TBCK: variants seen among roughly 807,000 people sequenced by gnomAD.
TBCK encodes the protein TBC1 domain containing kinase.
TBCK carries 99 observed loss-of-function variants against 113.4 expected under a neutral mutation model. The ratio of observed to expected loss-of-function variants is 0.87; its 90% CI spans 0.74 to 1.03. The LOEUF (loss-of-function observed/expected upper bound fraction) is 1.03. Ranked by LOEUF, TBCK falls within the 50% of genes least tolerant of loss-of-function variation. The probability of loss-of-function intolerance (pLI) is 0.00; values close to 1 mark genes in which losing one functional copy is unlikely to be tolerated. For missense variants in TBCK, 1,045 were observed against 1,061.3 expected (o/e 0.98, Z 0.21); for synonymous variants, 369 against 370.8 (o/e 1.00, Z 0.05).
intron 12 of TBCK, 145 bp downstream of exon 12, chr4:106,242,325 T>A: frequency 2.2e-6 from 1 of 452,308 alleles, no homozygotes; most frequent in Non-Finnish European, 3.8e-6. Context: ...GTTGTACAGA[T>A]GCAATTCTAC....
chr4:106,064,912 T>C (rs978419714), intron 25 of TBCK, among the ~76,000 whole-genome samples: 3 of 151,934 alleles, frequency 2.0e-5, no homozygotes, highest in Non-Finnish European at 2.9e-5. Context: ...TTAAGCATGC[T>C]ATGGTACCAA....
At chr4:106,292,120 G>T (rs1254491273) in intron 3 of TBCK, among the ~76,000 whole-genome samples, 1 of 152,108 alleles carries the variant, frequency 6.6e-6, no homozygotes, top group Non-Finnish European at 1.5e-5. Flanking sequence ...ACCATGACTG[G>T]ACGGCTTTCT....
At chr4:106,155,406 G>A (rs72677335) in intron 23 of TBCK, among the ~76,000 whole-genome samples, 2,598 of 151,924 alleles carry the variant, frequency 0.017, 43 homozygotes, top group Non-Finnish European at 0.026. Flanking sequence ...CTCTACATTT[G>A]GGAAGTTCTC....
chr4:106,272,781 C>T (rs1763636938), intron 3 of TBCK, among the ~76,000 whole-genome samples: 1 of 152,144 alleles, frequency 6.6e-6, no homozygotes, highest in Admixed American at 6.5e-5. Flanking sequence ...AAGCAAGAGT[C>T]ACCTCGCCTG....
chr4:106,146,266 C>CA (rs1747791884), intron 23 of TBCK, among the ~76,000 whole-genome samples: 2 of 151,930 alleles, frequency 1.3e-5, no homozygotes, highest in Non-Finnish European at 2.9e-5. Flanking sequence ...TATGCAGCCA[C>CA]AAAAAAGAAT....
At chr4:106,124,192 A>G (rs1162131436) in intron 23 of TBCK, among the ~76,000 whole-genome samples, 2 of 152,254 alleles carry the variant, frequency 1.3e-5, no homozygotes, top group African/African-American at 2.4e-5. Context: ...TGGGCGAAGG[A>G]CATGAACAGA....
intron 3 of TBCK, among the ~76,000 whole-genome samples, chr4:106,278,354 T>C (rs1560955741): frequency 6.6e-6 from 1 of 151,894 alleles, no homozygotes; most frequent in Non-Finnish European, 1.5e-5. Flanking sequence ...ACTCAGGAGT[T>C]AGAGACCAGT....
chr4:106,223,121 C>G (rs1343590305), intron 19 of TBCK, among the ~76,000 whole-genome samples: 3 of 152,020 alleles, frequency 2.0e-5, no homozygotes, highest in Non-Finnish European at 4.4e-5. Flanking sequence ...CTACAATCTC[C>G]AAATATCATT....
chr4:106,214,954 G>A (rs1756681480), intron 19 of TBCK, among the ~76,000 whole-genome samples: 1 of 151,520 alleles, frequency 6.6e-6, no homozygotes, highest in South Asian at 2.1e-4. Flanking sequence ...AATGTTAAGG[G>A]CAGCCAGAGA....
At chr4:106,146,543 G>A (rs957905437) in intron 23 of TBCK, among the ~76,000 whole-genome samples, 10 of 152,240 alleles carry the variant, frequency 6.6e-5, no homozygotes, top group South Asian at 2.1e-4. Context: ...CCTGTGACAC[G>A]TGTTTATCTA....
At chr4:106,187,373 T>C (rs1253484440) in intron 22 of TBCK, among the ~76,000 whole-genome samples, 1 of 152,112 alleles carries the variant, frequency 6.6e-6, no homozygotes, top group African/African-American at 2.4e-5. Flanking sequence ...TCCATGAGCA[T>C]GGAATGTTTT....
chr4:106,235,236 T>C (rs1349861107), intron 15 of TBCK, 33 bp downstream of exon 15: 5 of 1,437,968 alleles, frequency 3.5e-6, no homozygotes, highest in Non-Finnish European at 4.7e-6. Context: ...TTTGCATAAT[T>C]AATCAGCTTC....
At chr4:106,232,251 A>C (rs186771789) in intron 17 of TBCK, among the ~76,000 whole-genome samples, 1 of 151,872 alleles carries the variant, frequency 6.6e-6, no homozygotes, top group African/African-American at 2.4e-5. Context: ...AATGATATGC[A>C]TGTATTGTCA....
intron 24 of TBCK, among the ~76,000 whole-genome samples, chr4:106,106,038 ATC>A (rs895036192): frequency 6.6e-6 from 1 of 152,202 alleles, no homozygotes; most frequent in African/African-American, 2.4e-5. Context: ...CGATGAAAGA[ATC>A]TCACAATTCG....
At chr4:106,056,874 A>G (rs1307879675) in intron 25 of TBCK, among the ~76,000 whole-genome samples, 1 of 151,780 alleles carries the variant, frequency 6.6e-6, no homozygotes, top group Non-Finnish European at 1.5e-5. Context: ...TTACATTTTG[A>G]TAATAGTTAA....
At chr4:106,070,896 A>G (rs530221351) in intron 25 of TBCK, among the ~76,000 whole-genome samples, 176 of 152,136 alleles carry the variant, frequency 1.2e-3, no homozygotes, top group African/African-American at 4.1e-3. Context: ...CCAGGAATTT[A>G]TCCATTTCTT....
chr4:106,147,496 A>G (rs1747941949), intron 23 of TBCK, among the ~76,000 whole-genome samples: 2 of 152,204 alleles, frequency 1.3e-5, no homozygotes, highest in African/African-American at 4.8e-5. Flanking sequence ...TGAAGATTTC[A>G]TGGACATTTA....
chr4:106,313,446 T>C (rs1420457775), intron 1 of TBCK, among the ~76,000 whole-genome samples: 1 of 152,142 alleles, frequency 6.6e-6, no homozygotes, highest in African/African-American at 2.4e-5. Context: ...TGATTCTATA[T>C]ACAGCCAAAT....
At chr4:106,073,048 C>T (rs1737678940) in intron 25 of TBCK, among the ~76,000 whole-genome samples, 1 of 152,174 alleles carries the variant, frequency 6.6e-6, no homozygotes. Context: ...CGAACATCCT[C>T]CTTTAGCTTG....
Sources: gnomAD v4.1 joint callset for allele counts (sites outside exome capture counted in the v4.1 genomes callset) on GRCh38, gnomAD v4.1.1 for gene constraint, MANE v1.5 for transcripts, NCBI Gene and HGNC (gene_info 2026-07-23, HGNC 2026-07-21) for gene names.